GRM7: variants seen among roughly 807,000 people sequenced by gnomAD.
GRM7 encodes the protein glutamate metabotropic receptor 7, also known as metabotropic glutamate receptor 7.
In GRM7, 35 loss-of-function variants were observed where a neutral mutation model predicts 84.5. The ratio of observed to expected loss-of-function variants is 0.41; its 90% CI spans 0.32 to 0.55. The LOEUF is 0.55. GRM7 is among the 20% of genes least tolerant of loss of function. The pLI is 0.19. For missense variants in GRM7, 1,003 were observed against 1,194.6 expected (o/e 0.84, Z 2.36); for synonymous variants, 487 against 455.1 (o/e 1.07, Z -0.89).
At chr3:7,144,588 A>T (rs935594012) in intron 1 of GRM7, among the ~76,000 whole-genome samples, 1 of 152,160 alleles carries the variant, frequency 6.6e-6, no homozygotes, top group East Asian at 1.9e-4. Context: ...ATTTTCGATG[A>T]TTATTACTCC....
intron 7 of GRM7, among the ~76,000 whole-genome samples, chr3:7,514,942 C>T (rs1320961492): frequency 1.3e-5 from 2 of 150,638 alleles, no homozygotes; most frequent in East Asian, 1.9e-4. Flanking sequence ...TTTCTGAATT[C>T]GAGTTATGAC....
Position 7,579,325 on chromosome 3 carries a change from A to T in GRM7, c.2419A>T (p.Ile807Phe), listed in dbSNP as rs768329373. 2 of 1,559,540 alleles carry T rather than the reference A, an allele frequency of 1.3e-6. No homozygotes were observed. Among genetic ancestry groups the T allele is most frequent in the Non-Finnish European group, 1.7e-6 (2 of 1,147,342 alleles). ...TCIVWLAFIP[I>F]FFGTAQSAEK... Reference sequence around the variant, plus strand: ...TATAGTATGGCTTGCCTTCATTCCAATTTTTTTTGGCACCGCTCAATCAGC... The same window carrying T: ...TATAGTATGGCTTGCCTTCATTCCATTTTTTTTTGGCACCGCTCAATCAGC... The change falls in exon 8 of 10, where the codon ATT becomes TTT. Residue 807 changes from isoleucine (I) to phenylalanine (F), a missense_variant. Coordinates refer to ENST00000357716, the MANE Select transcript of GRM7 (RefSeq NM_000844.4).
chr3:7,229,757 A>ATT (rs1302605868), intron 2 of GRM7, among the ~76,000 whole-genome samples: 35 of 26,864 alleles, frequency 1.3e-3, no homozygotes, highest in African/African-American at 3.8e-3. Flanking sequence ...ATATATATAT[A>ATT]TATTTTTTTT....
chr3:7,645,323 C>T (rs1396026988), intron 8 of GRM7, among the ~76,000 whole-genome samples: 5 of 151,962 alleles, frequency 3.3e-5, no homozygotes, highest in Admixed American at 6.6e-5. Flanking sequence ...CCAAGGCGGG[C>T]AGACCACAAG....
chr3:7,406,938 A>G (rs770007154), intron 4 of GRM7, among the ~76,000 whole-genome samples: 9 of 152,236 alleles, frequency 5.9e-5, no homozygotes, highest in Admixed American at 2.0e-4. Context: ...CACTGTTAGT[A>G]GAGGGAAAAA....
rs117160055 is a variant in GRM7, at chr3:7,579,294, G to C, written c.2388G>C (p.Thr796=). Residue 796 remains threonine, a synonymous_variant, in exon 8 of 10, where the codon ACG becomes ACC. Coordinates refer to ENST00000357716, the MANE Select transcript of GRM7 (RefSeq NM_000844.4). ...EAKPIGFTMY[T]TCIVWLAFIP... ...AGCCCATTGGATTCACTATGTACACGACATGTATAGTATGGCTTGCCTTCA... is the reference window on the plus strand; with the variant it reads ...AGCCCATTGGATTCACTATGTACACCACATGTATAGTATGGCTTGCCTTCA... 1 of 1,613,146 alleles carries C rather than the reference G, an allele frequency of 6.2e-7. No individual in the cohort carries two copies. The highest frequency in any genetic ancestry group is 2.2e-5 in the East Asian group (1 of 44,868).
At chr3:7,405,118 G>A (rs1461715904) in intron 4 of GRM7, among the ~76,000 whole-genome samples, 1 of 152,104 alleles carries the variant, frequency 6.6e-6, no homozygotes, top group African/African-American at 2.4e-5. Flanking sequence ...TACACAGTGG[G>A]AGATTTTGTT....
At chr3:7,602,127 T>C (rs1408325602) in intron 8 of GRM7, among the ~76,000 whole-genome samples, 1 of 148,114 alleles carries the variant, frequency 6.8e-6, no homozygotes, top group Non-Finnish European at 1.5e-5. Context: ...AAACAAACAC[T>C]TATCTTTGGA....
chr3:6,973,614 A>G (rs533402781), intron 1 of GRM7, among the ~76,000 whole-genome samples: 7 of 152,314 alleles, frequency 4.6e-5, no homozygotes, highest in African/African-American at 1.2e-4. Flanking sequence ...TCACTGATAG[A>G]GTGATATTTT....
intron 8 of GRM7, among the ~76,000 whole-genome samples, chr3:7,624,944 A>C (rs1278169052): frequency 6.6e-6 from 1 of 152,170 alleles, no homozygotes; most frequent in Non-Finnish European, 1.5e-5. Context: ...TCCAAGAATA[A>C]ATGAGAGTTG....
chr3:7,240,147 A>G (rs1179299486), intron 2 of GRM7, among the ~76,000 whole-genome samples: 1 of 6,832 alleles, frequency 1.5e-4, no homozygotes, highest in East Asian at 0.013. Context: ...TTTTTTTTCC[A>G]GTGGCTTAAT....
intron 2 of GRM7, among the ~76,000 whole-genome samples, chr3:7,266,614 A>C (rs1698650286): frequency 6.6e-6 from 1 of 152,194 alleles, no homozygotes; most frequent in Non-Finnish European, 1.5e-5. Context: ...TTTTTTAACC[A>C]AACAAAATGT....
chr3:7,396,142 A>G (rs1408011619), intron 4 of GRM7, among the ~76,000 whole-genome samples: 2 of 152,134 alleles, frequency 1.3e-5, no homozygotes, highest in African/African-American at 2.4e-5. Context: ...AATTATATCA[A>G]AATCATCAAT....
At chr3:7,605,375 G>A (rs969943358) in intron 8 of GRM7, among the ~76,000 whole-genome samples, 21 of 152,142 alleles carry the variant, frequency 1.4e-4, no homozygotes, top group Admixed American at 1.3e-3. Context: ...CATGCAAAAC[G>A]AGATAATAAA....
At chr3:7,169,652 GCTT>G (rs1694919389) in intron 2 of GRM7, among the ~76,000 whole-genome samples, 1 of 152,144 alleles carries the variant, frequency 6.6e-6, no homozygotes, top group African/African-American at 2.4e-5. Context: ...TGGGGAGAGA[GCTT>G]CTTTGTTTTC....
At chr3:7,689,418 G>C (rs992873007) in intron 9 of GRM7, among the ~76,000 whole-genome samples, 1 of 152,112 alleles carries the variant, frequency 6.6e-6, no homozygotes, top group Non-Finnish European at 1.5e-5. Flanking sequence ...CTTTGAAACA[G>C]TATAAATACA....
At chr3:7,056,204 C>G (rs1295378556) in intron 1 of GRM7, among the ~76,000 whole-genome samples, 15 of 152,028 alleles carry the variant, frequency 9.9e-5, no homozygotes, top group Admixed American at 9.8e-4. Flanking sequence ...TTTCTTTTCC[C>G]CAACGCAGGG....
chr3:7,464,106 A>G (rs1215278782), intron 7 of GRM7, among the ~76,000 whole-genome samples: 2 of 152,184 alleles, frequency 1.3e-5, no homozygotes, highest in African/African-American at 4.8e-5. Context: ...CTCTCAGATA[A>G]CCTGATTCAG....
chr3:7,289,790 T>C lies in GRM7; in HGVS notation c.737-8894T>C, dbSNP rs539464573. On this transcript the variant is annotated intron_variant, in intron 2 of 9. Transcript: ENST00000357716. ...AACAAACACCACATGTTCTCACTTA[T>C]AGGTGGGAATTGAACAATGAGAACA... Among the ~76,000 whole-genome samples, 10 of 140,676 alleles carry C rather than the reference T, an allele frequency of 7.1e-5. No individual in the cohort carries two copies. In the East Asian group the frequency reaches 1.9e-3, roughly 27 times the overall value. The allele number at this position is 140,676 out of a possible 152,430, so 92.3% of individuals were successfully genotyped here.
Sources: allele counts gnomAD v4.1 joint callset (sites outside exome capture counted in the v4.1 genomes callset), GRCh38; gene constraint gnomAD v4.1.1; transcripts MANE v1.5; gene names NCBI Gene and HGNC (gene_info 2026-07-23, HGNC 2026-07-21).